CAST: variants seen among roughly 807,000 people sequenced by gnomAD.
The protein encoded by CAST is calpastatin.
In CAST, 76 loss-of-function variants were observed where a neutral mutation model predicts 119.6. The observed-to-expected ratio is 0.64, with a 90% confidence interval of 0.53 to 0.77. The LOEUF is 0.77. Among genes scored for constraint, CAST ranks in the 30% least tolerant of loss-of-function variants. CAST has a pLI of 0.00. For synonymous variants in CAST, 319 were observed against 331.6 expected (o/e 0.96, Z 0.41); for missense variants, 953 against 946.5 (o/e 1.01, Z -0.09).
chr5:96,384,321 C>T, the CAST span, among the ~76,000 whole-genome samples: 8 of 152,178 alleles, frequency 5.3e-5, no homozygotes, highest in African/African-American at 1.9e-4. Context: ...CAATCCACAT[C>T]TGTACTCTAG....
chr5:96,425,836 T>A, the CAST span: 193 of 1,596,636 alleles, frequency 1.2e-4, 3 homozygotes, highest in South Asian at 2.1e-3. Flanking sequence ...CCATTGCTGA[T>A]TCCACATGGG....
At chr5:96,028,312 T>G in the CAST span, among the ~76,000 whole-genome samples, 1 of 152,018 alleles carries the variant, frequency 6.6e-6, no homozygotes, top group African/African-American at 2.4e-5. Flanking sequence ...GGGAATAATT[T>G]TTTTCAGGTT....
intron 11 of CAST, among the ~76,000 whole-genome samples, chr5:96,739,060 G>A (rs899104895): frequency 6.6e-6 from 1 of 151,968 alleles, no homozygotes; most frequent in Admixed American, 6.6e-5. Context: ...ATAGAAAATC[G>A]AGAGAAAACT....
the CAST span, among the ~76,000 whole-genome samples, chr5:96,045,930 G>T: frequency 6.6e-6 from 1 of 152,154 alleles, no homozygotes; most frequent in Non-Finnish European, 1.5e-5. Flanking sequence ...TGACAAGGGG[G>T]TATGTTACTT....
chr5:96,347,425 T>C, the CAST span, among the ~76,000 whole-genome samples: 741 of 152,294 alleles, frequency 4.9e-3, 4 homozygotes, highest in African/African-American at 0.016. Flanking sequence ...TCACACAAAG[T>C]GGATGACCAG....
At chr5:96,010,108 T>A in the CAST span, among the ~76,000 whole-genome samples, 4 of 152,182 alleles carry the variant, frequency 2.6e-5, no homozygotes, top group Admixed American at 6.5e-5. Context: ...GTTATAGGCA[T>A]GGGGCTTTAT....
the CAST span, among the ~76,000 whole-genome samples, chr5:96,021,560 C>T: frequency 1.2e-4 from 18 of 152,140 alleles, no homozygotes; most frequent in Non-Finnish European, 2.4e-4. Flanking sequence ...ATTCTCCTGC[C>T]TCAGCCTCCC....
At chr5:96,183,154 T>TAAATA in the CAST span, among the ~76,000 whole-genome samples, 8 of 101,402 alleles carry the variant, frequency 7.9e-5, no homozygotes, top group Non-Finnish European at 1.4e-4. Flanking sequence ...AGAAAAAAAA[T>TAAATA]AAATAAAATA....
At chr5:96,212,195 C>T in the CAST span, among the ~76,000 whole-genome samples, 10 of 151,850 alleles carry the variant, frequency 6.6e-5, no homozygotes, top group African/African-American at 2.4e-4. Context: ...TTTTCTTTGT[C>T]TAGGTTCTTG....
At chr5:96,704,705 G>C (rs951624524) in intron 3 of CAST, among the ~76,000 whole-genome samples, 8 of 152,140 alleles carry the variant, frequency 5.3e-5, no homozygotes, top group Non-Finnish European at 1.0e-4. Context: ...TGGGATATCT[G>C]TTTTAGCATT....
Position 96,555,797 on chromosome 5 carries a change from G to A in CAST, c.60+25917G>A, listed in dbSNP as rs1037614940. Among the ~76,000 whole-genome samples, 7 of 152,208 alleles carry A rather than the reference G, an allele frequency of 4.6e-5. No homozygotes were observed. The East Asian group carries it at 7.7e-4, about 17-fold the overall frequency. On this transcript the variant is annotated intron_variant, in intron 1 of 11. Coordinates refer to the CAST transcript ENST00000505143. ...CTGCCTCTGTAGACTCCACCTCTAG[G>A]GGCAGGGCATAGCCAAACAAAAGGC...
At chr5:96,111,720 C>A in the CAST span, among the ~76,000 whole-genome samples, 939 of 152,210 alleles carry the variant, frequency 6.2e-3, 12 homozygotes, top group African/African-American at 0.022. Context: ...CATCACAGTA[C>A]CTAAGAAGCA....
At chr5:96,554,559 T>C (rs1746196141) in intron 1 of CAST, among the ~76,000 whole-genome samples, 1 of 152,088 alleles carries the variant, frequency 6.6e-6, no homozygotes, top group Non-Finnish European at 1.5e-5. Flanking sequence ...ACAAATTGGA[T>C]CTAAGTCAAC....
At chr5:96,097,895 G>A in the CAST span, among the ~76,000 whole-genome samples, 1 of 152,112 alleles carries the variant, frequency 6.6e-6, no homozygotes, top group Non-Finnish European at 1.5e-5. Context: ...TAGTCTTTAA[G>A]GAATCACCAC....
intron 1 of CAST, among the ~76,000 whole-genome samples, chr5:96,582,371 TTATCTC>T (rs1182130726): frequency 3.3e-5 from 5 of 152,242 alleles, no homozygotes; most frequent in Non-Finnish European, 5.9e-5. Flanking sequence ...ATTGGTTTCT[TTATCTC>T]TAATTGTTCA....
upstream of CAST, among the ~76,000 whole-genome samples, chr5:96,657,234 T>C (rs73774354): frequency 0.023 from 3,549 of 152,280 alleles, 143 homozygotes; most frequent in African/African-American, 0.081. Context: ...GTTTGCAGTA[T>C]TGTGTGGTTT....
intron 3 of CAST, among the ~76,000 whole-genome samples, chr5:96,711,310 CAA>C (rs1436716557): frequency 2.0e-5 from 3 of 151,936 alleles, no homozygotes; most frequent in East Asian, 3.9e-4. Context: ...CAATATAAAA[CAA>C]AGAAAAAGTT....
At chr5:96,091,205 T>TC in the CAST span, among the ~76,000 whole-genome samples, 1 of 149,990 alleles carries the variant, frequency 6.7e-6, no homozygotes. Flanking sequence ...TGAATCTCTC[T>TC]CTTTTTTTTT....
chr5:96,098,021 T>C, the CAST span, among the ~76,000 whole-genome samples: 1 of 152,342 alleles, frequency 6.6e-6, no homozygotes, highest in South Asian at 2.1e-4. Context: ...ACAATAGCCA[T>C]TCTGACTGGT....
Sources: allele counts gnomAD v4.1 joint callset (sites outside exome capture counted in the v4.1 genomes callset), GRCh38; gene constraint gnomAD v4.1.1; transcripts MANE v1.5; gene names NCBI Gene and HGNC (gene_info 2026-07-23, HGNC 2026-07-21).